TUBGCP2: variants seen among roughly 807,000 people sequenced by gnomAD.
TUBGCP2 encodes the protein gamma-tubulin complex component 2.
A neutral mutation model predicts 92.2 loss-of-function variants in TUBGCP2; 55 were observed. The ratio of observed to expected loss-of-function variants is 0.60; its 90% CI spans 0.48 to 0.75. The LOEUF is 0.75. Ranked by LOEUF, TUBGCP2 falls within the 30% of genes least tolerant of loss-of-function variation. The probability of loss-of-function intolerance (pLI) is 0.00; values close to 1 mark genes in which losing one functional copy is unlikely to be tolerated. For synonymous variants in TUBGCP2, 533 were observed against 505.2 expected (o/e 1.06, Z -0.74); for missense variants, 1,093 against 1,188.9 (o/e 0.92, Z 1.19).
rs750583240 is a variant in TUBGCP2, at chr10:133,293,221, G to A, written c.842C>T (p.Ser281Phe). 2.5e-6 allele frequency: 4 copies of A among 1,613,542 alleles called. No homozygotes were observed. Among genetic ancestry groups the A allele is most frequent in the Middle Eastern group, 1.6e-4 (1 of 6,076 alleles). Reference protein sequence around the residue: ...SAVTRFIEEKSSFEYGQVNHA... With the variant: ...SAVTRFIEEKFSFEYGQVNHA... ...GTTCACCTGCCCGTACTCGAAGGAA[G>A]ACTTCTCTTCAATGAACCTGGAAGA... The change falls in exon 7 of 18, where the codon TCT becomes TTT. Residue 281 changes from serine (S) to phenylalanine (F), a missense_variant. Physicochemically the swap from Ser to Phe is radical, Grantham distance 155. Around this residue, in one of 3 missense-constraint regions of TUBGCP2, gnomAD observed 490 missense variants for 488.5 expected, o/e 1.00. Coordinates refer to ENST00000252936, the MANE Select transcript of TUBGCP2 (RefSeq NM_006659.4).
chr10:133,281,168 A>G (rs1343755125), intron 17 of TUBGCP2, 105 bp downstream of exon 17: 4 of 744,906 alleles, frequency 5.4e-6, no homozygotes, highest in African/African-American at 2.3e-5. Flanking sequence ...GGGCAGGGGC[A>G]GGTGCTGGAC....
rs908785440 is a variant in TUBGCP2 at position 133,285,842 on chromosome 10, T to A, written c.1723-214A>T. Among the ~76,000 whole-genome samples, 1 of 151,860 alleles carries A rather than the reference T, an allele frequency of 6.6e-6. No individual in the cohort carries two copies. Among genetic ancestry groups the A allele is most frequent in the Non-Finnish European group, 1.5e-5 (1 of 67,984 alleles). The stretch of plus-strand genomic sequence containing the variant: ...CCCATCAGAACAAAACAACAAAAAT[T>A]CAGATGAATTACTTTGTAAATACCC... On this transcript the variant is annotated intron_variant, in intron 11 of 17. Transcript: ENST00000252936. This position sits in a 1 kb window ranked among gnomAD's most constrained non-coding sequence, Gnocchi z 6.8.
intron 16 of TUBGCP2, 151 bp from the exon 17 acceptor site, chr10:133,281,587 TA>T: frequency 9.4e-7 from 1 of 1,060,674 alleles, no homozygotes; most frequent in East Asian, 2.6e-5. Flanking sequence ...AGATTCAAGG[TA>T]AAAAAGACAT....
chr10:133,284,988 T>C lies in TUBGCP2; in HGVS notation c.2024+97A>G, dbSNP rs1847093378. The C allele has an allele frequency of 8.1e-6, 12 of 1,485,284 alleles. No homozygotes were observed. The South Asian group carries it at 1.6e-4, about 20-fold the overall frequency. 92.0% of individuals were successfully genotyped at this position (1,485,284 alleles called of 1,614,324 possible). On this transcript the variant is annotated intron_variant, in intron 13 of 17. Transcript: ENST00000252936. ...TGACACTTCCAGAAGCCTAGAAAGCTGTCTACCAGGAGGGCACAAGGGGGG... is the reference window on the plus strand; with the variant it reads ...TGACACTTCCAGAAGCCTAGAAAGCCGTCTACCAGGAGGGCACAAGGGGGG...
intron 5 of TUBGCP2, chr10:133,296,092 C>T (rs1446063751): frequency 6.6e-6 from 1 of 152,364 alleles, no homozygotes; most frequent in Non-Finnish European, 1.5e-5. Flanking sequence ...TGAGAGCTGG[C>T]TGCAGGGTTC....
At chr10:133,309,566 C>T (rs553947399), upstream of TUBGCP2, 25 of 1,381,670 alleles carry the variant, frequency 1.8e-5, no homozygotes, top group African/African-American at 3.4e-4. Flanking sequence ...GTGCGGCCGC[C>T]CCACCGAGGC....
chr10:133,296,478 CTTTG>C (rs1455604050), intron 5 of TUBGCP2, among the ~76,000 whole-genome samples: 2 of 151,652 alleles, frequency 1.3e-5, no homozygotes, highest in Non-Finnish European at 2.9e-5. Context: ...AAGCAGACTG[CTTTG>C]TTTTTTTTTT....
upstream of TUBGCP2, chr10:133,312,092 G>T (rs943177643): frequency 6.2e-6 from 9 of 1,451,968 alleles, no homozygotes; most frequent in Non-Finnish European, 8.1e-6. Flanking sequence ...TTTCCTCATT[G>T]TCTGAGTGGG....
chr10:133,286,461 C>T lies in TUBGCP2; in HGVS notation c.1723-833G>A, dbSNP rs149069984. On this transcript the variant is annotated intron_variant, in intron 11 of 17. Coordinates refer to ENST00000252936, the MANE Select transcript of TUBGCP2 (RefSeq NM_006659.4). ...GCAGTTCTTCAGTGACAGGGAGACT[C>T]GGTGCCCTACTTCTAACCACGGAGA... is the stretch of plus-strand genomic sequence containing the variant. Among the ~76,000 whole-genome samples, 687 of 152,332 alleles carry T rather than the reference C, an allele frequency of 4.5e-3. 9 individuals are homozygous for T. Among genetic ancestry groups the T allele is most frequent in the African/African-American group, 0.016 (651 of 41,582 alleles).
chr10:133,301,200 C>G (rs1056101743), intron 2 of TUBGCP2, among the ~76,000 whole-genome samples: 2 of 152,130 alleles, frequency 1.3e-5, no homozygotes, highest in Non-Finnish European at 2.9e-5. Flanking sequence ...GTGATCTAGG[C>G]TCACCGCAAC....
upstream of TUBGCP2, chr10:133,309,477 C>T: frequency 6.2e-7 from 1 of 1,609,422 alleles, no homozygotes; most frequent in South Asian, 1.1e-5. Flanking sequence ...AGCGAATGGG[C>T]AGTGCCTAGC....
Position 133,284,014 on chromosome 10 carries a change from G to C in TUBGCP2, c.2025-12C>G, listed in dbSNP as rs202246755. 6.2e-7 allele frequency: 1 copy of C among 1,612,300 alleles called. No individual in the cohort carries two copies. Among genetic ancestry groups the C allele is most frequent in the South Asian group, 1.1e-5 (1 of 90,958 alleles). On this transcript the variant is annotated splice_polypyrimidine_tract_variant and intron_variant, in intron 13 of 17. Coordinates refer to ENST00000252936, the MANE Select transcript of TUBGCP2 (RefSeq NM_006659.4). ...AAGCCCCAGCAAACCTGAGTGACACGGAGGACGGAGGACAGCCATGGAGGA... is the reference window on the plus strand; with the variant it reads ...AAGCCCCAGCAAACCTGAGTGACACCGAGGACGGAGGACAGCCATGGAGGA...
At chr10:133,290,589 C>G (rs1291174346) in intron 8 of TUBGCP2, 1 of 152,254 alleles carries the variant, frequency 6.6e-6, no homozygotes, top group African/African-American at 2.4e-5. Flanking sequence ...AATGTACGGT[C>G]CGCAGAGATA....
At chr10:133,302,758 C>T (rs1233018533) in intron 2 of TUBGCP2, 34 bp downstream of exon 2, 6 of 1,611,236 alleles carry the variant, frequency 3.7e-6, no homozygotes, top group South Asian at 1.1e-5. Context: ...ACAGTGCTCA[C>T]CCTGCACAGC....
intron 5 of TUBGCP2, 32 bp downstream of exon 5, chr10:133,297,920 C>T (rs750606335): frequency 6.8e-6 from 11 of 1,606,630 alleles, no homozygotes; most frequent in East Asian, 4.5e-5. Context: ...ACGTACCTAT[C>T]GGCAGAGCCC....
rs140300207 is a variant in TUBGCP2 at position 133,293,751 on chromosome 10, G to A, written c.635C>T (p.Ser212Leu). The stretch of plus-strand genomic sequence containing the variant: ...GTCCTCCACCACGGCCGACTCCTGC[G>A]AGGCCAGGGGCAACGTGCCTGCGGG... ...ALPIGTLPLA[S>L]QESAVVEDLL... Residue 212 changes from serine (S) to leucine (L), a missense_variant, in exon 6 of 18, where the codon TCG becomes TTG. Physicochemically the swap from Ser to Leu is moderately radical, Grantham distance 145. Transcript: ENST00000252936. The A allele has an allele frequency of 1.9e-4, 302 of 1,592,896 alleles. No homozygotes were observed. Among genetic ancestry groups the A allele is most frequent in the Middle Eastern group, 3.3e-4 (2 of 6,050 alleles).
rs750380433 is a variant in TUBGCP2 at position 133,283,319 on chromosome 10, T to A, written c.2146-98A>T. 1.2e-5 allele frequency: 19 copies of A among 1,531,414 alleles called. No individual in the cohort carries two copies. In the South Asian group the frequency reaches 1.9e-4, roughly 15 times the overall value. 94.9% of individuals were successfully genotyped at this position (1,531,414 alleles called of 1,614,324 possible). On this transcript the variant is annotated intron_variant, in intron 14 of 17. Coordinates refer to ENST00000252936, the MANE Select transcript of TUBGCP2 (RefSeq NM_006659.4). Reference sequence around the variant, plus strand: ...AGTTCTGGCTTTGTGCATTCCTGTTTACGCACTTCTACCTCTTAAATGGGC... The same window carrying A: ...AGTTCTGGCTTTGTGCATTCCTGTTAACGCACTTCTACCTCTTAAATGGGC...
intron 8 of TUBGCP2, among the ~76,000 whole-genome samples, chr10:133,291,878 C>T (rs74429041): frequency 0.057 from 477 of 8,344 alleles, 80 homozygotes; most frequent in East Asian, 0.23. Flanking sequence ...CCTACCTGTA[C>T]GGGAGAGGGC....
intron 5 of TUBGCP2, 56 bp from the exon 6 acceptor site, chr10:133,293,825 C>G: frequency 6.7e-7 from 1 of 1,492,676 alleles, no homozygotes; most frequent in Non-Finnish European, 9.1e-7. Context: ...GCCCCCACAG[C>G]CACGTGCCCT....
Sources: allele counts gnomAD v4.1 joint callset (sites outside exome capture counted in the v4.1 genomes callset), GRCh38; gene constraint gnomAD v4.1.1; regional missense constraint gnomAD v4.1.1; non-coding constraint Gnocchi (gnomAD v3.1); transcripts MANE v1.5; gene names NCBI Gene and HGNC (gene_info 2026-07-23, HGNC 2026-07-21).